PDE8B: variants seen among roughly 807,000 people sequenced by gnomAD.
PDE8B encodes the protein phosphodiesterase 8B.
Under a neutral mutation model 101.3 loss-of-function variants are expected in PDE8B, and 26 were observed. That is an observed-to-expected ratio of 0.26 (90% CI 0.19 to 0.36). The LOEUF (loss-of-function observed/expected upper bound fraction) is 0.36, where lower values mean the gene tolerates loss of function less well. Among genes scored for constraint, PDE8B ranks in the 10% least tolerant of loss-of-function variants. PDE8B has a pLI of 1.00. For missense variants in PDE8B, 810 were observed against 1,163.1 expected, an observed-to-expected ratio of 0.70 and a Z score of 4.42; for synonymous variants, 424 against 429.3, an observed-to-expected ratio of 0.99 and a Z score of 0.15.
intron 10 of PDE8B, among the ~76,000 whole-genome samples, chr5:77,397,471 G>A (rs997782362): frequency 6.6e-6 from 1 of 152,004 alleles, no homozygotes; most frequent in African/African-American, 2.4e-5. Flanking sequence ...TTCTTCATTT[G>A]CCAGTTCTCA....
intron 1 of PDE8B, among the ~76,000 whole-genome samples, chr5:77,259,887 C>T (rs1301143319): frequency 2.6e-5 from 4 of 152,152 alleles, no homozygotes; most frequent in Non-Finnish European, 4.4e-5. Context: ...ATCAGCCGGG[C>T]GTGTTGGCTC....
upstream of PDE8B, among the ~76,000 whole-genome samples, chr5:77,209,694 T>TTGAC (rs1747853426): frequency 1.3e-5 from 2 of 152,178 alleles, no homozygotes; most frequent in African/African-American, 4.8e-5. Flanking sequence ...GAAGGCCTTG[T>TTGAC]TGACTGCCCA....
At chr5:77,381,618 GT>G (rs140446995) in intron 10 of PDE8B, among the ~76,000 whole-genome samples, 1 of 150,068 alleles carries the variant, frequency 6.7e-6, no homozygotes, top group African/African-American at 2.5e-5. Context: ...TTTTGTTTTT[GT>G]TTTTTTTTAA....
At chr5:77,106,512 G>A in the PDE8B span, among the ~76,000 whole-genome samples, 1 of 152,100 alleles carries the variant, frequency 6.6e-6, no homozygotes, top group Non-Finnish European at 1.5e-5. Context: ...GCATATCTAT[G>A]TTTTTGCCAT....
the PDE8B span, among the ~76,000 whole-genome samples, chr5:77,130,056 C>T: frequency 3.9e-5 from 6 of 152,102 alleles, no homozygotes; most frequent in Non-Finnish European, 8.8e-5. Context: ...ATGTGGACTG[C>T]ACTCTATGCT....
the PDE8B span, among the ~76,000 whole-genome samples, chr5:77,173,079 T>TG: frequency 6.6e-6 from 1 of 152,100 alleles, no homozygotes; most frequent in African/African-American, 2.4e-5. Context: ...TGAACACACT[T>TG]GGAGGGTATG....
At position 77,337,330 on chromosome 5, in the gene PDE8B, G is replaced by GCTAC; in HGVS notation, c.797+15_797+16insCTAC. ...TTCAAATTACGGTATGTAGCAAAAT[G>GCTAC]ATACAGTAACATGAGGTTAACAATT... On this transcript the variant is annotated intron_variant, in intron 6 of 21. Transcript: ENST00000264917. 2 of 1,287,090 alleles carry GCTAC rather than the reference G, an allele frequency of 1.6e-6. No homozygotes were observed. The highest frequency in any genetic ancestry group is 2.3e-6 in the Non-Finnish European group (2 of 885,502). The allele number at this position is 1,287,090 out of a possible 1,614,324, so 79.7% of individuals were successfully genotyped here.
At chr5:77,156,116 G>A in the PDE8B span, among the ~76,000 whole-genome samples, 1 of 152,166 alleles carries the variant, frequency 6.6e-6, no homozygotes, top group Non-Finnish European at 1.5e-5. Context: ...AAATTAGTTT[G>A]TTTACCCTGA....
chr5:77,413,405 C>A, intron 17 of PDE8B, 96 bp downstream of exon 17: 1 of 1,096,576 alleles, frequency 9.1e-7, no homozygotes, highest in South Asian at 1.4e-5. Flanking sequence ...TATTTTGCAA[C>A]CAAGTTGACA....
At chr5:77,142,945 G>A in the PDE8B span, among the ~76,000 whole-genome samples, 14 of 152,216 alleles carry the variant, frequency 9.2e-5, no homozygotes, top group African/African-American at 3.4e-4. Flanking sequence ...TTAAGGAAAT[G>A]TGTGTTTGGA....
rs1308025794 is a variant in PDE8B, at chr5:77,426,722, T to C, written c.*168T>C. The C allele has an allele frequency of 7.7e-6, 5 of 650,750 alleles. No individual in the cohort carries two copies. In the African/African-American group the frequency reaches 9.2e-5, roughly 12 times the overall value. The allele number at this position is 650,750 out of a possible 1,614,324, so 40.3% of individuals were successfully genotyped here. A position where few individuals can be genotyped will look rare whatever the true frequency, so the allele number is the denominator to read the frequency against. Reference sequence around the variant, plus strand: ...GTCCCCAAATTTCATTCTTAGAAAGTTATGTTCCATGAAGAAAAATATATG... The same window carrying C: ...GTCCCCAAATTTCATTCTTAGAAAGCTATGTTCCATGAAGAAAAATATATG... On this transcript the variant is annotated 3_prime_UTR_variant, in exon 22 of 22. Coordinates refer to ENST00000264917, the MANE Select transcript of PDE8B (RefSeq NM_003719.5).
chr5:77,195,363 G>A, the PDE8B span, among the ~76,000 whole-genome samples: 2 of 152,174 alleles, frequency 1.3e-5, no homozygotes, highest in Non-Finnish European at 2.9e-5. Context: ...CATGAATTTT[G>A]GGGGGATGCG....
chr5:77,099,315 A>C, the PDE8B span, among the ~76,000 whole-genome samples: 1 of 152,228 alleles, frequency 6.6e-6, no homozygotes, highest in African/African-American at 2.4e-5. Flanking sequence ...TGTTTGGAAA[A>C]AGTACAGACT....
At chr5:77,158,922 A>G in the PDE8B span, among the ~76,000 whole-genome samples, 1 of 152,208 alleles carries the variant, frequency 6.6e-6, no homozygotes, top group Non-Finnish European at 1.5e-5. Context: ...CTTAGGTAAC[A>G]CAGGGAAATG....
At chr5:77,330,117 G>C (rs1422684685) in intron 4 of PDE8B, among the ~76,000 whole-genome samples, 1 of 152,170 alleles carries the variant, frequency 6.6e-6, no homozygotes, top group Non-Finnish European at 1.5e-5. Context: ...GAATGAATGA[G>C]GGGAACTGAG....
At chr5:77,378,021 C>CAT (rs1786556409) in intron 10 of PDE8B, among the ~76,000 whole-genome samples, 1 of 125,496 alleles carries the variant, frequency 8.0e-6, no homozygotes, top group African/African-American at 3.3e-5. Context: ...CACACACACA[C>CAT]ACACACACAC....
the PDE8B span, among the ~76,000 whole-genome samples, chr5:77,182,075 C>T: frequency 1.3e-5 from 2 of 151,930 alleles, no homozygotes; most frequent in African/African-American, 4.8e-5. Flanking sequence ...ATTCCAAGCT[C>T]AGTGGTACCA....
At chr5:77,168,785 A>G in the PDE8B span, among the ~76,000 whole-genome samples, 50,832 of 152,028 alleles carry the variant, frequency 0.33, 9,098 homozygotes, top group Non-Finnish European at 0.38. Flanking sequence ...CAGCATTTCT[A>G]ACATGGGTCC....
intron 1 of PDE8B, among the ~76,000 whole-genome samples, chr5:77,307,573 T>C (rs760901929): frequency 3.9e-5 from 6 of 152,134 alleles, no homozygotes; most frequent in Non-Finnish European, 8.8e-5. Flanking sequence ...ACCACGGAAG[T>C]CAACAAATGC....
Sources: gnomAD v4.1 joint callset for allele counts (sites outside exome capture counted in the v4.1 genomes callset) on GRCh38, gnomAD v4.1.1 for gene constraint, MANE v1.5 for transcripts, NCBI Gene and HGNC (gene_info 2026-07-23, HGNC 2026-07-21) for gene names.